The following SLC6A6 variants were observed in gnomAD, a reference collection of about 807,000 sequenced individuals.
SLC6A6 encodes solute carrier family 6 member 6.
SLC6A6 carries 16 observed loss-of-function variants against 68.8 expected under a neutral mutation model. The ratio of observed to expected loss-of-function variants is 0.23; its 90% CI spans 0.16 to 0.35. The LOEUF is 0.35. Ranked by LOEUF, SLC6A6 falls within the 10% of genes least tolerant of loss-of-function variation. SLC6A6 has a pLI of 1.00. For synonymous variants in SLC6A6, 312 were observed against 315.4 expected, an observed-to-expected ratio of 0.99 and a Z score of 0.12; for missense variants, 474 against 802.8, an observed-to-expected ratio of 0.59 and a Z score of 4.95.
intron 5 of SLC6A6, chr3:14,448,022 C>T: frequency 7.6e-7 from 1 of 1,318,892 alleles, no homozygotes; most frequent in African/African-American, 1.5e-5. Flanking sequence ...TGACCTTAGG[C>T]AAGCCACTCC....
At chr3:14,407,056 GT>G (rs35391238) in intron 1 of SLC6A6, among the ~76,000 whole-genome samples, 70,081 of 149,250 alleles carry the variant, frequency 0.47, 17,185 homozygotes, top group East Asian at 0.61. Context: ...TTTTCTTGTG[GT>G]TTTTTTTTTT....
At chr3:14,475,259 T>C (rs1453451362) in intron 10 of SLC6A6, among the ~76,000 whole-genome samples, 2 of 152,074 alleles carry the variant, frequency 1.3e-5, no homozygotes, top group Admixed American at 1.3e-4. Flanking sequence ...CTCGAACTCC[T>C]GACCTCAGGT....
intron 9 of SLC6A6, among the ~76,000 whole-genome samples, chr3:14,469,528 C>G (rs753635332): frequency 7.9e-5 from 12 of 152,180 alleles, no homozygotes; most frequent in Non-Finnish European, 1.6e-4. Context: ...ATGAGGAGAC[C>G]AGCAACCTGA....
At position 14,481,083 on chromosome 3, in the gene SLC6A6, G is replaced by A. The variant is rs779289584; in HGVS notation, c.1552-588G>A. On this transcript the variant is annotated intron_variant, in intron 13 of 14. Coordinates refer to ENST00000622186, the MANE Select transcript of SLC6A6 (RefSeq NM_003043.6). The surrounding 1 kb of genome is among the most constrained non-coding windows in gnomAD (Gnocchi z 4.7). Reference sequence around the variant, plus strand: ...TTGTATGTACCTGGAGCTGCACTGGGTGTTAAAGAACTAGGACAAGACACA... The same window carrying A: ...TTGTATGTACCTGGAGCTGCACTGGATGTTAAAGAACTAGGACAAGACACA... Among the ~76,000 whole-genome samples, 2 of 152,234 alleles carry A rather than the reference G, an allele frequency of 1.3e-5. No homozygotes were observed. The highest frequency in any genetic ancestry group is 2.9e-5 in the Non-Finnish European group (2 of 68,044).
chr3:14,484,779 G>A, intron 14 of SLC6A6, 88 bp from the exon 15 acceptor site: 1 of 1,395,582 alleles, frequency 7.2e-7, no homozygotes. Flanking sequence ...CAGCACATGA[G>A]CCAATTCAGG....
At chr3:14,467,061 G>A (rs1249655680) in intron 7 of SLC6A6, among the ~76,000 whole-genome samples, 1 of 152,216 alleles carries the variant, frequency 6.6e-6, no homozygotes, top group Admixed American at 6.5e-5. Flanking sequence ...GCTGAGGGTG[G>A]AATTCAGAGT....
chr3:14,432,134 A>G (rs772743482), intron 2 of SLC6A6, among the ~76,000 whole-genome samples: 24 of 152,308 alleles, frequency 1.6e-4, no homozygotes, highest in Admixed American at 2.6e-4. Context: ...TCCAGTTTCT[A>G]TAGAGCAAGG....
chr3:14,462,966 A>C (rs973216603), intron 6 of SLC6A6, among the ~76,000 whole-genome samples: 1 of 152,184 alleles, frequency 6.6e-6, no homozygotes, highest in African/African-American at 2.4e-5. Flanking sequence ...CTGGGGAGAT[A>C]CGTGGCCTGT....
Position 14,472,377 on chromosome 3 carries a change from G to A in SLC6A6, c.1209+60G>A, listed in dbSNP as rs962449751. 9 of 1,034,088 alleles carry A rather than the reference G, an allele frequency of 8.7e-6. No individual in the cohort carries two copies. Among genetic ancestry groups the A allele is most frequent in the Non-Finnish European group, 1.2e-5 (8 of 656,882 alleles). 64.1% of individuals were successfully genotyped at this position (1,034,088 alleles called of 1,614,324 possible). ...CTGTGGGGAACCTGACTCTGGGAAA[G>A]ACTCCTTATTCCACCTGGGAGGTGG... On this transcript the variant is annotated intron_variant, in intron 10 of 14. Transcript: ENST00000622186. This position sits in a 1 kb window ranked among gnomAD's most constrained non-coding sequence, Gnocchi z 4.5.
In SLC6A6 at chr3:14,463,718, C is replaced by T. The variant is rs117230471; in HGVS notation, c.733-2798C>T. Among the ~76,000 whole-genome samples, 25 of 152,312 alleles carry T rather than the reference C, an allele frequency of 1.6e-4. No homozygotes were observed. In the East Asian group the frequency reaches 4.4e-3, roughly 27 times the overall value. On this transcript the variant is annotated intron_variant, in intron 6 of 14. Transcript: ENST00000622186. ...CTTCCTGATGTGCCCCCGCCCTCCA[C>T]GTCTGCCTTCCCATCCTCGGGAAAT...
At position 14,443,976 on chromosome 3, in the gene SLC6A6, C is replaced by CA. The variant is rs1006283199; in HGVS notation, c.229+113_229+114insA. On this transcript the variant is annotated intron_variant, in intron 3 of 14. Transcript: ENST00000622186. ...CTTTCCCTGCTTTCCCTGGCCCCCC[C>CA]CCTTGACCTCCATGAGGTCAGCCTG... 1.3e-5 allele frequency: 9 copies of CA among 709,198 alleles called. No individual in the cohort carries two copies. The African/African-American group carries it at 1.6e-4, about 12-fold the overall frequency. 43.9% of individuals were successfully genotyped at this position (709,198 alleles called of 1,614,324 possible). A position where few individuals can be genotyped will look rare whatever the true frequency, so the allele number is the denominator to read the frequency against.
At chr3:14,403,673 A>G (rs1016244435) in intron 1 of SLC6A6, among the ~76,000 whole-genome samples, 11 of 152,226 alleles carry the variant, frequency 7.2e-5, no homozygotes, top group African/African-American at 2.7e-4. Context: ...GCCAAGGGGT[A>G]GTGGACAGCC....
intron 1 of SLC6A6, among the ~76,000 whole-genome samples, chr3:14,412,505 C>A (rs774200052): frequency 6.6e-6 from 1 of 152,144 alleles, no homozygotes; most frequent in African/African-American, 2.4e-5. Context: ...CATGGCAAAA[C>A]CCCATCTCTA....
chr3:14,449,085 G>A (rs1700196935), intron 5 of SLC6A6, among the ~76,000 whole-genome samples: 1 of 152,256 alleles, frequency 6.6e-6, no homozygotes, highest in African/African-American at 2.4e-5. Context: ...AGCTGGCCCA[G>A]GAATGGGCCA....
chr3:14,487,839 A>C lies in SLC6A6; in HGVS notation c.*2832A>C, dbSNP rs1701213259. ...TAGGTGCAGGGAATGGTGAGTGTCT[A>C]ACCAGGGCTACATCCAGCAACATCC... On this transcript the variant is annotated 3_prime_UTR_variant, in exon 15 of 15. Coordinates refer to ENST00000622186, the MANE Select transcript of SLC6A6 (RefSeq NM_003043.6). 1.3e-5 allele frequency: 2 copies of C among 152,370 alleles called. No individual in the cohort carries two copies. The highest frequency in any genetic ancestry group is 4.8e-5 in the African/African-American group (2 of 41,442). 9.4% of individuals were successfully genotyped at this position (152,370 alleles called of 1,614,324 possible). A position where few individuals can be genotyped will look rare whatever the true frequency, so the allele number is the denominator to read the frequency against.
intron 3 of SLC6A6, chr3:14,444,934 C>T (rs964521394): frequency 9.0e-6 from 4 of 444,496 alleles, no homozygotes; most frequent in Non-Finnish European, 1.8e-5. Flanking sequence ...ACCGGAGATG[C>T]CTACCCTCTG....
chr3:14,430,345 T>C (rs1285042219), intron 2 of SLC6A6, among the ~76,000 whole-genome samples: 2 of 151,998 alleles, frequency 1.3e-5, no homozygotes, highest in Non-Finnish European at 2.9e-5. Context: ...CCAAGGAGTT[T>C]CCAATGGTTG....
chr3:14,480,010 C>T (rs755341484), intron 13 of SLC6A6, among the ~76,000 whole-genome samples: 58 of 152,284 alleles, frequency 3.8e-4, no homozygotes, highest in Non-Finnish European at 6.0e-4. Flanking sequence ...CCCTCCCCTC[C>T]GTGACCTGCT....
At chr3:14,442,470 C>G (rs1189292674) in intron 2 of SLC6A6, among the ~76,000 whole-genome samples, 6 of 152,216 alleles carry the variant, frequency 3.9e-5, no homozygotes, top group Admixed American at 3.9e-4. Flanking sequence ...GCAGGGGACC[C>G]AGCCTTGAGC....
Sources: allele counts gnomAD v4.1 joint callset (sites outside exome capture counted in the v4.1 genomes callset), GRCh38; gene constraint gnomAD v4.1.1; non-coding constraint Gnocchi (gnomAD v3.1); transcripts MANE v1.5; gene names NCBI Gene and HGNC (gene_info 2026-07-23, HGNC 2026-07-21).